The following GRIK5 variants were observed in gnomAD, a reference collection of about 807,000 sequenced individuals.
The protein encoded by GRIK5 is glutamate ionotropic receptor kainate type subunit 5.
GRIK5 carries 43 observed loss-of-function variants against 97.4 expected under a neutral mutation model. That is an observed-to-expected ratio of 0.44 (90% CI 0.35 to 0.57). The LOEUF (loss-of-function observed/expected upper bound fraction) is 0.57, where lower values mean the gene tolerates loss of function less well. GRIK5 is among the 20% of genes least tolerant of loss of function. GRIK5 has a pLI of 0.01. For missense variants in GRIK5, 1,015 were observed against 1,382.0 expected (o/e 0.73, Z 4.21); for synonymous variants, 580 against 583.5 (o/e 0.99, Z 0.09).
chr19:42,044,049 T>C (rs1350923916), intron 11 of GRIK5, among the ~76,000 whole-genome samples: 1 of 152,146 alleles, frequency 6.6e-6, no homozygotes, highest in East Asian at 1.9e-4. Flanking sequence ...AGGGGGGCGG[T>C]TTCCCCCATG....
At chr19:42,052,967 G>A (rs1169709552) in intron 11 of GRIK5, among the ~76,000 whole-genome samples, 1 of 152,168 alleles carries the variant, frequency 6.6e-6, no homozygotes, top group Non-Finnish European at 1.5e-5. Context: ...AAAGAATGAC[G>A]CTTGGAAAGG....
rs762034994 is a variant in GRIK5, at chr19:42,042,692, C to T, written c.1333G>A (p.Gly445Ser). The change falls in exon 12 of 20, where the codon GGC becomes AGC. Residue 445 changes from glycine (G) to serine (S), a missense_variant. Gly to Ser is a moderately conservative substitution (Grantham distance 56). Around this residue, in one of 5 missense-constraint regions of GRIK5, gnomAD observed 477 missense variants for 701.1 expected, o/e 0.68. Transcript: ENST00000593562. This position sits in a 1 kb window ranked among gnomAD's most constrained non-coding sequence, Gnocchi z 6.9. Reference protein sequence around the residue: ...QALSGNERFEGFCVDMLRELA... With the variant: ...QALSGNERFESFCVDMLRELA... Reference sequence around the variant, plus strand: ...TCCCGCAGCATGTCCACGCAGAAGCCCTCGAAGCGTTCGTTCCCCGACAGG... The same window carrying T: ...TCCCGCAGCATGTCCACGCAGAAGCTCTCGAAGCGTTCGTTCCCCGACAGG... 6.2e-7 allele frequency: 1 copy of T among 1,613,692 alleles called. No individual in the cohort carries two copies.
At chr19:42,001,053 C>G (rs1018469404) in intron 19 of GRIK5, among the ~76,000 whole-genome samples, 1 of 152,102 alleles carries the variant, frequency 6.6e-6, no homozygotes. Context: ...CAACCTCCCC[C>G]TTTACCTAAC....
rs1293340745 is a variant in GRIK5 at position 42,021,121 on chromosome 19, A to G, written c.1871+180T>C. Among the ~76,000 whole-genome samples, 1 of 152,212 alleles carries G rather than the reference A, an allele frequency of 6.6e-6. No homozygotes were observed. The highest frequency in any genetic ancestry group is 1.5e-5 in the Non-Finnish European group (1 of 68,028). On this transcript the variant is annotated intron_variant, in intron 15 of 19. Transcript: ENST00000593562. The surrounding 1 kb of genome is among the most constrained non-coding windows in gnomAD (Gnocchi z 4.2). Reference sequence around the variant, plus strand: ...GGAGGGTTGCGGTCTGGCCAAGCTCACATAGCCAGTAAGCGGCAGAGCTGG... The same window carrying G: ...GGAGGGTTGCGGTCTGGCCAAGCTCGCATAGCCAGTAAGCGGCAGAGCTGG...
At position 42,056,799 on chromosome 19, in the gene GRIK5, C is replaced by G. The variant is rs201962794; in HGVS notation, c.766G>C (p.Gly256Arg). Residue 256 changes from glycine (G) to arginine (R), a missense_variant, in exon 8 of 20, where the codon GGT becomes CGT. Physicochemically the swap from Gly to Arg is moderately radical, Grantham distance 125. Transcript: ENST00000593562. ...TMDFPILHLDGIVEDSSNILG... is the reference protein window; with the variant it reads ...TMDFPILHLDRIVEDSSNILG... Reference sequence around the variant, plus strand: ...ATGTTGGAGGAGTCCTCCACAATACCGTCCAGATGCAGGATGGGGAAGTCC... The same window carrying G: ...ATGTTGGAGGAGTCCTCCACAATACGGTCCAGATGCAGGATGGGGAAGTCC... 28 of 1,614,052 alleles carry G rather than the reference C, an allele frequency of 1.7e-5. No homozygotes were observed. The highest frequency in any genetic ancestry group is 2.4e-5 in the Non-Finnish European group (28 of 1,180,002).
chr19:42,019,266 C>A (rs909401634), intron 15 of GRIK5, among the ~76,000 whole-genome samples: 1 of 152,084 alleles, frequency 6.6e-6, no homozygotes, highest in African/African-American at 2.4e-5. Context: ...TGGCCCTCTC[C>A]CTCTGTCTAA....
At chr19:42,044,276 G>T (rs558465633) in intron 11 of GRIK5, among the ~76,000 whole-genome samples, 15 of 152,276 alleles carry the variant, frequency 9.9e-5, no homozygotes, top group African/African-American at 3.6e-4. Context: ...CGAGTCTCGG[G>T]CAGTTCTTTA....
At position 42,054,383 on chromosome 19, in the gene GRIK5, A is replaced by C; in HGVS notation, c.993T>G (p.Pro331=). The change falls in exon 9 of 20, where the codon CCT becomes CCG. Residue 331 remains proline (P), a synonymous_variant. Transcript: ENST00000593562. ...AAATGTTGGCCGATGTACAGGCCAG[A>C]GGCTTCACACCGATCTCCTGGCTGC... is the stretch of plus-strand genomic sequence containing the variant. ...LNRSQEIGVK[P]LACTSANIWP... 6.2e-7 allele frequency: 1 copy of C among 1,613,768 alleles called. No homozygotes were observed. Among genetic ancestry groups the C allele is most frequent in the South Asian group, 1.1e-5 (1 of 91,078 alleles).
intron 15 of GRIK5, among the ~76,000 whole-genome samples, chr19:42,014,339 A>C (rs1258217953): frequency 6.6e-6 from 1 of 151,772 alleles, no homozygotes; most frequent in Non-Finnish European, 1.5e-5. Context: ...GGTTGCAGTG[A>C]GCTGAGATCG....
intron 19 of GRIK5, chr19:42,001,806 C>T (rs2072613825): frequency 8.9e-6 from 3 of 335,902 alleles, no homozygotes; most frequent in Non-Finnish European, 1.6e-5. Context: ...CTGTTAAGGT[C>T]ATTTGTTATG....
At chr19:42,019,987 G>GTT (rs910672486) in intron 15 of GRIK5, among the ~76,000 whole-genome samples, 16 of 137,214 alleles carry the variant, frequency 1.2e-4, no homozygotes, top group African/African-American at 3.8e-4. Context: ...TTTTTTGGGG[G>GTT]TTTTTTTTTT....
intron 11 of GRIK5, among the ~76,000 whole-genome samples, chr19:42,048,423 C>A (rs2076070344): frequency 6.6e-6 from 1 of 151,926 alleles, no homozygotes; most frequent in South Asian, 2.1e-4. Context: ...AGATCGAGAC[C>A]ATCCTGGCTA....
At position 42,068,649 on chromosome 19, in the gene GRIK5, G is replaced by A. The variant is rs933842131; in HGVS notation, c.-51+592C>T. 2.1e-5 allele frequency: 9 copies of A among 430,416 alleles called. No individual in the cohort carries two copies. The South Asian group carries it at 4.4e-4, about 21-fold the overall frequency. The allele number at this position is 430,416 out of a possible 1,614,324, so 26.7% of individuals were successfully genotyped here. A position where few individuals can be genotyped will look rare whatever the true frequency, so the allele number is the denominator to read the frequency against. On this transcript the variant is annotated intron_variant, in intron 1 of 19. Coordinates refer to ENST00000593562, the MANE Select transcript of GRIK5 (RefSeq NM_002088.5). ...AAATGGAAAGAGACCTGCCGAGGGAGACTTGGAAAGAGGGAAGCCAGGGTG... is the reference window on the plus strand; with the variant it reads ...AAATGGAAAGAGACCTGCCGAGGGAAACTTGGAAAGAGGGAAGCCAGGGTG...
Position 42,002,511 on chromosome 19 carries a change from A to C in GRIK5, c.2514+821T>G. The C allele has an allele frequency of 1.4e-6, 1 of 711,314 alleles. No individual in the cohort carries two copies. Among genetic ancestry groups the C allele is most frequent in the East Asian group, 2.7e-5 (1 of 37,192 alleles). The allele number at this position is 711,314 out of a possible 1,614,324, so 44.1% of individuals were successfully genotyped here. On this transcript the variant is annotated intron_variant, in intron 19 of 19. Transcript: ENST00000593562. This position sits in a 1 kb window ranked among gnomAD's most constrained non-coding sequence, Gnocchi z 5.2. ...TCAGAGGAGTCCTTGGGCCAAGTGC[A>C]GAACACTGGCAGGCAGCTGGATGCA...
chr19:42,065,310 CG>C lies in GRIK5; in HGVS notation c.156del (p.Asn52LysfsTer14). ...LALALAREQI[N>X]GIIEVPAKAR... ...GCCTTGGCTGGGACCTCGATGATCC[CG>C]TTGATCTGCTCCCGGGCCAAGGCCA... On this transcript the variant is annotated frameshift_variant, in exon 3 of 20. Transcript: ENST00000593562. LOFTEE classifies it high-confidence loss of function. This position sits in a 1 kb window ranked among gnomAD's most constrained non-coding sequence, Gnocchi z 5.8. The C allele has an allele frequency of 6.2e-7, 1 of 1,612,814 alleles. No individual in the cohort carries two copies. The highest frequency in any genetic ancestry group is 1.7e-5 in the Admixed American group (1 of 59,986).
At chr19:42,008,525 G>A (rs2075521513) in intron 15 of GRIK5, among the ~76,000 whole-genome samples, 1 of 152,132 alleles carries the variant, frequency 6.6e-6, no homozygotes, top group Non-Finnish European at 1.5e-5. Flanking sequence ...TACTTGGGAG[G>A]CTGAGGCACG....
At position 42,003,304 on chromosome 19, in the gene GRIK5, T is replaced by TGGGG; in HGVS notation, c.2514+27_2514+28insCCCC. On this transcript the variant is annotated intron_variant, in intron 19 of 19. Coordinates refer to ENST00000593562, the MANE Select transcript of GRIK5 (RefSeq NM_002088.5). The surrounding 1 kb of genome is among the most constrained non-coding windows in gnomAD (Gnocchi z 4.2). ...CTCAGCCCCTGGGGGTCCCTGTTCC[T>TGGGG]GCCCACCCCCACCCCCAGCCTCCTC... The TGGGG allele has an allele frequency of 2.5e-6, 4 of 1,578,354 alleles. No individual in the cohort carries two copies. The highest frequency in any genetic ancestry group is 1.1e-5 in the South Asian group (1 of 89,826).
chr19:42,000,066 A>AG (rs1185098631), intron 19 of GRIK5, among the ~76,000 whole-genome samples: 1 of 152,202 alleles, frequency 6.6e-6, no homozygotes, highest in Non-Finnish European at 1.5e-5. Flanking sequence ...GCATGGCTGG[A>AG]GGGGGGCGTG....
rs1164108188 is a variant in GRIK5 at position 42,002,904 on chromosome 19, TTTTG to T, written c.2514+424_2514+427del. On this transcript the variant is annotated intron_variant, in intron 19 of 19. Coordinates refer to ENST00000593562, the MANE Select transcript of GRIK5 (RefSeq NM_002088.5). The surrounding 1 kb of genome is among the most constrained non-coding windows in gnomAD (Gnocchi z 5.2). ...GTGTGCACCACCATGCCCGGCTAAT[TTTTG>T]TATTTTTAGTAGAGATGGGGTTTCA... Among the ~76,000 whole-genome samples, 2 of 152,012 alleles carry T rather than the reference TTTTG, an allele frequency of 1.3e-5. No homozygotes were observed. Among genetic ancestry groups the T allele is most frequent in the Non-Finnish European group, 2.9e-5 (2 of 67,990 alleles).
Sources: gnomAD v4.1 joint callset for allele counts (sites outside exome capture counted in the v4.1 genomes callset) on GRCh38, gnomAD v4.1.1 for gene constraint, gnomAD v4.1.1 regional missense constraint, Gnocchi (gnomAD v3.1) non-coding constraint, MANE v1.5 for transcripts, NCBI Gene and HGNC (gene_info 2026-07-23, HGNC 2026-07-21) for gene names.